GFUS: variants seen among roughly 807,000 people sequenced by gnomAD.
GFUS encodes 3-5 epimerase/4-reductase.
A neutral mutation model predicts 41.5 loss-of-function variants in GFUS; 42 were observed. That is an observed-to-expected ratio of 1.01 (90% CI 0.79 to 1.31). GFUS has a LOEUF of 1.31. GFUS is among the 50% of genes most tolerant of loss of function. The pLI, the probability that GFUS is intolerant of heterozygous loss-of-function variation, is 0.00. For missense variants in GFUS, 437 were observed against 428.7 expected, an observed-to-expected ratio of 1.02 and a Z score of -0.17; for synonymous variants, 188 against 173.4, an observed-to-expected ratio of 1.08 and a Z score of -0.66.
chr8:143,614,465 C>T lies in GFUS; in HGVS notation c.465-12G>A, dbSNP rs1436617671. The T allele has an allele frequency of 1.9e-6, 3 of 1,605,846 alleles. No individual in the cohort carries two copies. The highest frequency in any genetic ancestry group is 2.6e-6 in the Non-Finnish European group (3 of 1,174,550). ...GCTGGAAGTAGGCCCTGCGGAGGCA[C>T]AGCGTCTCCTGCCCTCGTCCTGGGC... is the stretch of plus-strand genomic sequence containing the variant. On this transcript the variant is annotated splice_polypyrimidine_tract_variant and intron_variant, in intron 5 of 10. Coordinates refer to ENST00000425753, the MANE Select transcript of GFUS (RefSeq NM_003313.4).
Position 143,614,403 on chromosome 8 carries a change from T to C in GFUS, c.515A>G (p.Asn172Ser), listed in dbSNP as rs201464118. The change falls in exon 6 of 11, where the codon AAC (asparagine) becomes AGC (serine). Residue 172 changes from asparagine to serine, a missense_variant. Coordinates refer to ENST00000425753, the MANE Select transcript of GFUS (RefSeq NM_003313.4). ...GAAGTTGTCGTGGGGCCCGAAGACGTTGGTGGGGATGACAGCGGTGAAGGT... is the reference window on the plus strand; with the variant it reads ...GAAGTTGTCGTGGGGCCCGAAGACGCTGGTGGGGATGACAGCGGTGAAGGT... ...GCTFTAVIPTNVFGPHDNFNI... is the reference protein window; with the variant it reads ...GCTFTAVIPTSVFGPHDNFNI... 274 of 1,613,706 alleles carry C rather than the reference T, an allele frequency of 1.7e-4. 1 individual carries two copies. Among genetic ancestry groups the C allele is most frequent in the Non-Finnish European group, 2.1e-4 (248 of 1,179,966 alleles).
Position 143,614,371 on chromosome 8 carries a change from C to T in GFUS, c.547G>A (p.Glu183Lys), listed in dbSNP as rs145040472. 53 of 1,613,804 alleles carry T rather than the reference C, an allele frequency of 3.3e-5. No individual in the cohort carries two copies. The highest frequency in any genetic ancestry group is 3.3e-4 in the Middle Eastern group (2 of 6,048). Reference protein sequence around the residue: ...VFGPHDNFNIEDGHVLPGLIH... With the variant: ...VFGPHDNFNIKDGHVLPGLIH... ...AGGCCAGGCAGCACGTGGCCATCCT[C>T]GATGTTGAAGTTGTCGTGGGGCCCG... Residue 183 changes from glutamate (E) to lysine (K), a missense_variant, in exon 6 of 11, where the codon GAG becomes AAG. Transcript: ENST00000425753.
At chr8:143,613,456 C>T (rs1418829096) in intron 9 of GFUS, 68 bp downstream of exon 9, 7 of 1,563,694 alleles carry the variant, frequency 4.5e-6, no homozygotes, top group African/African-American at 1.4e-5. Flanking sequence ...GCTGGCCCTA[C>T]ACCGGGTGGC....
At position 143,613,429 on chromosome 8, in the gene GFUS, C is replaced by T. The variant is rs541698314; in HGVS notation, c.810+95G>A. On this transcript the variant is annotated intron_variant, in intron 9 of 10. Coordinates refer to ENST00000425753, the MANE Select transcript of GFUS (RefSeq NM_003313.4). ...CCTGCCAGGGTGAGCATCCTCCCTC[C>T]GCAGTGTCCCACCCACGCTGGCCCT... is the stretch of plus-strand genomic sequence containing the variant. 159 of 1,502,190 alleles carry T rather than the reference C, an allele frequency of 1.1e-4. 1 individual carries two copies. The South Asian group carries it at 1.5e-3, about 14-fold the overall frequency. The allele number at this position is 1,502,190 out of a possible 1,614,324, so 93.1% of individuals were successfully genotyped here. A position where few individuals can be genotyped will look rare whatever the true frequency, so the allele number is the denominator to read the frequency against.
intron 3 of GFUS, among the ~76,000 whole-genome samples, chr8:143,615,216 G>T (rs1405716352): frequency 6.6e-6 from 1 of 152,224 alleles, no homozygotes; most frequent in African/African-American, 2.4e-5. Context: ...CCCCACTGGA[G>T]GCTGGGAAGG....
At chr8:143,616,855 G>T in intron 1 of GFUS, 132 bp from the exon 2 acceptor site, 1 of 1,097,322 alleles carries the variant, frequency 9.1e-7, no homozygotes, top group Non-Finnish European at 1.3e-6. Context: ...GAAAGACCCA[G>T]CTGGACCGAG....
chr8:143,613,151 G>T (rs1432013595), intron 10 of GFUS, 45 bp downstream of exon 10: 1 of 1,583,062 alleles, frequency 6.3e-7, no homozygotes, highest in South Asian at 1.1e-5. Flanking sequence ...GGGAGGGGCT[G>T]GGGCAGGCCT....
At chr8:143,613,342 GC>G in intron 9 of GFUS, 47 bp from the exon 10 acceptor site, 2 of 1,577,398 alleles carry the variant, frequency 1.3e-6, no homozygotes, top group East Asian at 2.2e-5. Flanking sequence ...CTCCACCCCA[GC>G]CCCCGCAGCT....
rs376868594 is a variant in GFUS, at chr8:143,614,312, G to A, written c.598+8C>T. 127 of 1,613,334 alleles carry A rather than the reference G, an allele frequency of 7.9e-5. No individual in the cohort carries two copies. The highest frequency in any genetic ancestry group is 3.3e-4 in the Middle Eastern group (2 of 5,988). ...AGCCCGGGCACCCCATCGGACGGAC[G>A]CACTCACTCTTGGCCAGGTGCACCT... is the stretch of plus-strand genomic sequence containing the variant. On this transcript the variant is annotated splice_region_variant and intron_variant, in intron 6 of 10. Coordinates refer to ENST00000425753, the MANE Select transcript of GFUS (RefSeq NM_003313.4).
Position 143,614,695 on chromosome 8 carries a change from G to A in GFUS, c.393C>T (p.Ile131=). 1.2e-6 allele frequency: 2 copies of A among 1,612,946 alleles called. No individual in the cohort carries two copies. The highest frequency in any genetic ancestry group is 1.7e-6 in the Non-Finnish European group (2 of 1,179,396). The part of the protein sequence containing the change: ...KTTYPIDETM[I]HNGPPHNSNF... ...TGCTGTTGTGGGGAGGCCCATTGTG[G>A]ATCTGCGGGCGTGGGAGAGGCAGAG... Residue 131 remains isoleucine, a splice_region_variant and synonymous_variant, in exon 5 of 11, where the codon ATC becomes ATT. Transcript: ENST00000425753.
At chr8:143,616,269 A>C (rs1318281755) in intron 2 of GFUS, 49 bp from the exon 3 acceptor site, 1 of 1,572,268 alleles carries the variant, frequency 6.4e-7, no homozygotes, top group Non-Finnish European at 8.8e-7. Flanking sequence ...CCAGCACCCC[A>C]GGGTTGGGTG....
chr8:143,612,671 T>C lies in GFUS; in HGVS notation c.*239A>G. 3.4e-6 allele frequency: 2 copies of C among 596,758 alleles called. No individual in the cohort carries two copies. Among genetic ancestry groups the C allele is most frequent in the Admixed American group, 5.9e-5 (2 of 33,902 alleles). 37.0% of individuals were successfully genotyped at this position (596,758 alleles called of 1,614,324 possible). A position where few individuals can be genotyped will look rare whatever the true frequency, so the allele number is the denominator to read the frequency against. The stretch of plus-strand genomic sequence containing the variant: ...CAGGGAGTGGGATGCAGGATCAGAG[T>C]GGACACGCGCAGGGGGCTGGTGTGG... On this transcript the variant is annotated 3_prime_UTR_variant, in exon 11 of 11. Coordinates refer to ENST00000425753, the MANE Select transcript of GFUS (RefSeq NM_003313.4).
rs774978674 is a variant in GFUS at position 143,613,320 on chromosome 8, C to A, written c.811-25G>T. ...ACTGGAGGCTTTGTCAAGGCCACAG[C>A]GAGAAGAGCACCTCCACCCCAGCCC... On this transcript the variant is annotated intron_variant, in intron 9 of 10. Coordinates refer to ENST00000425753, the MANE Select transcript of GFUS (RefSeq NM_003313.4). 29 of 1,607,572 alleles carry A rather than the reference C, an allele frequency of 1.8e-5. No homozygotes were observed. In the Middle Eastern group the frequency reaches 5.0e-4, roughly 27 times the overall value.
intron 6 of GFUS, 30 bp from the exon 7 acceptor site, chr8:143,614,258 G>A (rs1829659280): frequency 6.2e-7 from 1 of 1,613,684 alleles, no homozygotes; most frequent in African/African-American, 1.3e-5. Flanking sequence ...GCAGGTGTCA[G>A]AGGCACTGGG....
chr8:143,616,356 T>A, intron 2 of GFUS, 136 bp from the exon 3 acceptor site: 1 of 1,150,194 alleles, frequency 8.7e-7, no homozygotes, highest in Non-Finnish European at 1.3e-6. Flanking sequence ...CTGGCTGATA[T>A]GAGGGTGCAG....
rs893651578 is a variant in GFUS at position 143,617,521 on chromosome 8, G to C, written c.-59C>G. On this transcript the variant is annotated 5_prime_UTR_variant, in exon 1 of 11. Coordinates refer to ENST00000425753, the MANE Select transcript of GFUS (RefSeq NM_003313.4). ...CTCCCCGACAGCGGCTTCCGGCCGG[G>C]TGCGCTCCGGCTGCCCGCGGAGCCA... 6.6e-6 allele frequency: 1 copy of C among 152,276 alleles called. No homozygotes were observed. The highest frequency in any genetic ancestry group is 2.4e-5 in the African/African-American group (1 of 41,462). 9.4% of individuals were successfully genotyped at this position (152,276 alleles called of 1,614,324 possible).
chr8:143,614,136 G>A (rs1214149448), intron 7 of GFUS, 28 bp downstream of exon 7: 1 of 1,611,174 alleles, frequency 6.2e-7, no homozygotes, highest in African/African-American at 1.3e-5. Context: ...CAGGTTCTCT[G>A]GGGAGAGCTG....
rs1049886 is a variant in GFUS at position 143,612,680 on chromosome 8, G to A, written c.*230C>T. On this transcript the variant is annotated 3_prime_UTR_variant, in exon 11 of 11. Transcript: ENST00000425753. ...GGATGCAGGATCAGAGTGGACACGC[G>A]CAGGGGGCTGGTGTGGGGAGCAAAG... The A allele has an allele frequency of 2.0e-5, 12 of 604,304 alleles. No homozygotes were observed. Among genetic ancestry groups the A allele is most frequent in the Admixed American group, 5.8e-5 (2 of 34,360 alleles). The allele number at this position is 604,304 out of a possible 1,614,324, so 37.4% of individuals were successfully genotyped here. A position where few individuals can be genotyped will look rare whatever the true frequency, so the allele number is the denominator to read the frequency against.
At chr8:143,615,649 C>T (rs1049149037) in intron 3 of GFUS, among the ~76,000 whole-genome samples, 2 of 152,190 alleles carry the variant, frequency 1.3e-5, no homozygotes, top group Non-Finnish European at 2.9e-5. Flanking sequence ...CCTTACACCA[C>T]GCCCCCTTCC....
Sources: gnomAD v4.1 joint callset for allele counts (sites outside exome capture counted in the v4.1 genomes callset) on GRCh38, gnomAD v4.1.1 for gene constraint, MANE v1.5 for transcripts, NCBI Gene and HGNC (gene_info 2026-07-23, HGNC 2026-07-21) for gene names.